DLGAP1: variants seen among roughly 807,000 people sequenced by gnomAD.
DLGAP1 encodes disks large-associated protein 1.
DLGAP1 carries 11 observed loss-of-function variants against 90.8 expected under a neutral mutation model. That is an observed-to-expected ratio of 0.12 (90% CI 0.08 to 0.20). The LOEUF is 0.20. DLGAP1 is among the 10% of genes least tolerant of loss of function. DLGAP1 has a pLI of 1.00. For missense variants in DLGAP1, 1,050 were observed against 1,333.8 expected (o/e 0.79, Z 3.31); for synonymous variants, 558 against 540.7 (o/e 1.03, Z -0.44).
intron 1 of DLGAP1, among the ~76,000 whole-genome samples, chr18:4,314,696 CTAAA>C: frequency 6.6e-6 from 1 of 152,280 alleles, no homozygotes; most frequent in African/African-American, 2.4e-5. Context: ...AAACATTCCC[CTAAA>C]TAATCAGTGA....
At chr18:3,783,526 C>G (rs536075795) in intron 5 of DLGAP1, among the ~76,000 whole-genome samples, 19 of 152,236 alleles carry the variant, frequency 1.2e-4, no homozygotes, top group African/African-American at 3.6e-4. Context: ...AAACATTATG[C>G]TAAATGAAAG....
intron 9 of DLGAP1, among the ~76,000 whole-genome samples, chr18:3,544,238 T>A (rs11081050): frequency 0.45 from 68,637 of 151,472 alleles, 19,305 homozygotes; most frequent in African/African-American, 0.8. Flanking sequence ...AAAACACAAA[T>A]CTTAGCCAGG....
rs569208686 is a variant in DLGAP1, at chr18:4,087,585, T to C, written c.-159+63595A>G. On this transcript the variant is annotated intron_variant, in intron 2 of 12. Coordinates refer to ENST00000315677, the MANE Select transcript of DLGAP1 (RefSeq NM_004746.4). ...TAAATCTCTGTTCAAGGCTCTCAGC[T>C]CTGAAGGCTGTGAGACCCCTGATTT... Among the ~76,000 whole-genome samples, 74 of 152,302 alleles carry C rather than the reference T, an allele frequency of 4.9e-4. No individual in the cohort carries two copies. In the South Asian group the frequency reaches 6.4e-3, roughly 13 times the overall value.
At chr18:4,275,816 A>G (rs1011738698) in intron 1 of DLGAP1, among the ~76,000 whole-genome samples, 1 of 152,232 alleles carries the variant, frequency 6.6e-6, no homozygotes, top group African/African-American at 2.4e-5. Flanking sequence ...AATAAAATAT[A>G]AAGTTGAGAT....
At chr18:3,975,714 C>G (rs2073557784) in intron 3 of DLGAP1, among the ~76,000 whole-genome samples, 1 of 152,066 alleles carries the variant, frequency 6.6e-6, no homozygotes, top group African/African-American at 2.4e-5. Context: ...ATGTGATGTA[C>G]ATATAGAATA....
intron 1 of DLGAP1, among the ~76,000 whole-genome samples, chr18:4,362,978 G>A (rs761862934): frequency 6.6e-6 from 1 of 152,034 alleles, no homozygotes; most frequent in Non-Finnish European, 1.5e-5. Context: ...AATCCCCTTG[G>A]CATTACTGGA....
intron 1 of DLGAP1, among the ~76,000 whole-genome samples, chr18:4,257,201 G>A (rs1401938571): frequency 6.6e-6 from 1 of 152,164 alleles, no homozygotes; most frequent in Non-Finnish European, 1.5e-5. Flanking sequence ...GAAAGCTATT[G>A]TGATCTATAA....
At chr18:4,146,052 T>C (rs1022331286) in intron 2 of DLGAP1, among the ~76,000 whole-genome samples, 1 of 152,212 alleles carries the variant, frequency 6.6e-6, no homozygotes, top group African/African-American at 2.4e-5. Flanking sequence ...TTCTAAAGTG[T>C]GTTCATCTTT....
chr18:3,892,975 A>C (rs920372269), intron 3 of DLGAP1, among the ~76,000 whole-genome samples: 2 of 150,510 alleles, frequency 1.3e-5, no homozygotes, highest in African/African-American at 4.9e-5. Flanking sequence ...CATTGTGTAG[A>C]AGTAAAGGCT....
chr18:3,897,236 G>A (rs986297373), intron 3 of DLGAP1, among the ~76,000 whole-genome samples: 3 of 152,172 alleles, frequency 2.0e-5, no homozygotes, highest in Admixed American at 6.5e-5. Context: ...GTTGGCCGAG[G>A]AATGCTGCTA....
At chr18:4,189,430 C>T (rs549759183) in intron 1 of DLGAP1, among the ~76,000 whole-genome samples, 106 of 152,150 alleles carry the variant, frequency 7.0e-4, no homozygotes, top group African/African-American at 2.5e-3. Flanking sequence ...AACAGGTCAT[C>T]TAAGAAGTGA....
intron 4 of DLGAP1, among the ~76,000 whole-genome samples, chr18:3,818,788 G>A (rs373186503): frequency 3.3e-4 from 50 of 150,058 alleles, no homozygotes; most frequent in African/African-American, 1.2e-3. Context: ...TAGGATTGGG[G>A]TTTTGCCATG....
intron 2 of DLGAP1, among the ~76,000 whole-genome samples, chr18:4,059,924 C>G (rs1260329732): frequency 6.6e-6 from 1 of 152,108 alleles, no homozygotes; most frequent in Non-Finnish European, 1.5e-5. Context: ...GTTGTCCGGC[C>G]CCCTCCAGGA....
chr18:3,856,840 G>A (rs1407026476), intron 4 of DLGAP1, among the ~76,000 whole-genome samples: 4 of 151,460 alleles, frequency 2.6e-5, no homozygotes, highest in Admixed American at 6.6e-5. Context: ...CAGCCTGGGC[G>A]ACAGAGCAAG....
chr18:3,548,257 G>A (rs2053173508), intron 9 of DLGAP1, among the ~76,000 whole-genome samples: 1 of 139,798 alleles, frequency 7.2e-6, no homozygotes, highest in African/African-American at 3.0e-5. Context: ...TGTGTTATAT[G>A]TATCTTAGTA....
At chr18:4,325,473 T>G (rs552851279) in intron 1 of DLGAP1, among the ~76,000 whole-genome samples, 1 of 152,234 alleles carries the variant, frequency 6.6e-6, no homozygotes, top group South Asian at 2.1e-4. Flanking sequence ...CCTATCAAAC[T>G]ACCAATGACA....
intron 2 of DLGAP1, among the ~76,000 whole-genome samples, chr18:4,129,360 G>A (rs1043177953): frequency 6.6e-6 from 1 of 152,044 alleles, no homozygotes; most frequent in Non-Finnish European, 1.5e-5. Flanking sequence ...GCATATGGCT[G>A]TCCGGACTAC....
At chr18:4,230,819 A>G (rs1321646388) in intron 1 of DLGAP1, among the ~76,000 whole-genome samples, 1 of 151,172 alleles carries the variant, frequency 6.6e-6, no homozygotes, top group East Asian at 1.9e-4. Flanking sequence ...GGTGATGGAT[A>G]CCCCACTTAC....
At chr18:3,523,729 C>T (rs1428824005) in intron 10 of DLGAP1, among the ~76,000 whole-genome samples, 2 of 151,940 alleles carry the variant, frequency 1.3e-5, no homozygotes, top group African/African-American at 2.4e-5. Flanking sequence ...CGCCCGTAGT[C>T]CCAGCTACAC....
Sources: gnomAD v4.1 joint callset for allele counts (sites outside exome capture counted in the v4.1 genomes callset) on GRCh38, gnomAD v4.1.1 for gene constraint, MANE v1.5 for transcripts, NCBI Gene and HGNC (gene_info 2026-07-23, HGNC 2026-07-21) for gene names.